The following DCUN1D5 variants were observed in gnomAD, a reference collection of about 807,000 sequenced individuals.
The protein encoded by DCUN1D5 is defective in cullin neddylation 1 domain containing 5.
Under a neutral mutation model 38.3 loss-of-function variants are expected in DCUN1D5, and 10 were observed. The observed-to-expected ratio is 0.26, with a 90% CI of 0.16 to 0.44. DCUN1D5 has a LOEUF of 0.44. Ranked by LOEUF, DCUN1D5 falls within the 20% of genes least tolerant of loss-of-function variation. The pLI is 1.00. For synonymous variants in DCUN1D5, 93 were observed against 90.9 expected (o/e 1.02, Z -0.13); for missense variants, 148 against 275.3 (o/e 0.54, Z 3.27).
intron 2 of DCUN1D5, among the ~76,000 whole-genome samples, chr11:103,088,330 AAAAAGG>A (rs1425013043): frequency 2.0e-5 from 3 of 152,354 alleles, no homozygotes; most frequent in Admixed American, 6.5e-5. Context: ...GCAGGTTAAA[AAAAAGG>A]AAAAGGAAAA....
chr11:103,072,355 T>TCTAGAA (rs1164482449), intron 4 of DCUN1D5, among the ~76,000 whole-genome samples: 6 of 151,246 alleles, frequency 4.0e-5, no homozygotes, highest in African/African-American at 9.7e-5. Flanking sequence ...TAGATCTAGA[T>TCTAGAA]CTAGATCTAG....
Position 103,052,919 on chromosome 11 carries a change from A to G in DCUN1D5, c.*9440T>C, listed in dbSNP as rs1861781695. ...GGTTTTTAAAACCTGCTATTCAGAG[A>G]GCAAGGAGTTCCTTTGAGGTTTTTC... On this transcript the variant is annotated 3_prime_UTR_variant, in exon 8 of 8. Transcript: ENST00000260247. The G allele has an allele frequency of 6.6e-6, 1 of 152,174 alleles. No individual in the cohort carries two copies. Among genetic ancestry groups the G allele is most frequent in the African/African-American group, 2.4e-5 (1 of 41,450 alleles). 9.4% of individuals were successfully genotyped at this position (152,174 alleles called of 1,614,324 possible).
chr11:103,079,627 A>C (rs1339708928), intron 4 of DCUN1D5, among the ~76,000 whole-genome samples: 3 of 149,912 alleles, frequency 2.0e-5, no homozygotes, highest in Middle Eastern at 3.4e-3. Flanking sequence ...CTGTCTCTCA[A>C]AAAAAAAATA....
At chr11:103,067,287 AAGGCAG>A (rs1224605757) in intron 4 of DCUN1D5, among the ~76,000 whole-genome samples, 1 of 152,190 alleles carries the variant, frequency 6.6e-6, no homozygotes, top group Non-Finnish European at 1.5e-5. Context: ...AGCAAGAAGC[AAGGCAG>A]TCAAGGCCTT....
At position 103,056,814 on chromosome 11, in the gene DCUN1D5, T is replaced by C. The variant is rs1025752442; in HGVS notation, c.*5545A>G. 6.6e-6 allele frequency among the ~76,000 whole-genome samples: 1 copy of C among 152,132 alleles called. No individual in the cohort carries two copies. The highest frequency in any genetic ancestry group is 2.4e-5 in the African/African-American group (1 of 41,428). ...ATTTCTTTTTATAAAAGACAGTAAA[T>C]TTGTCAGAAAAAAATAAACTATCAT... On this transcript the variant is annotated 3_prime_UTR_variant, in exon 8 of 8. Coordinates refer to ENST00000260247, the MANE Select transcript of DCUN1D5 (RefSeq NM_032299.4). The surrounding 1 kb of genome is among the most constrained non-coding windows in gnomAD (Gnocchi z 4.9).
chr11:103,063,231 A>G lies in DCUN1D5; in HGVS notation c.659-817T>C, dbSNP rs748593677. 6.6e-5 allele frequency among the ~76,000 whole-genome samples: 10 copies of G among 152,120 alleles called. No homozygotes were observed. Among genetic ancestry groups the G allele is most frequent in the Non-Finnish European group, 1.3e-4 (9 of 67,982 alleles). On this transcript the variant is annotated intron_variant, in intron 7 of 7. Coordinates refer to ENST00000260247, the MANE Select transcript of DCUN1D5 (RefSeq NM_032299.4). This position sits in a 1 kb window ranked among gnomAD's most constrained non-coding sequence, Gnocchi z 4.6. ...GCAAGTCCAACACAGTTAACACTTG[A>G]CTCCAGCCTCTGACTCCTATAAAGG...
In DCUN1D5 at chr11:103,064,235, G is replaced by A. The variant is rs772407672; in HGVS notation, c.658+40C>T. On this transcript the variant is annotated intron_variant, in intron 7 of 7. Transcript: ENST00000260247. The surrounding 1 kb of genome is among the most constrained non-coding windows in gnomAD (Gnocchi z 4.5). ...TGCATACTCTCATTTAATATTTTTG[G>A]AAATTTTGTTTTCAAAGGAACATGT... 1.3e-6 allele frequency: 2 copies of A among 1,534,536 alleles called. No homozygotes were observed. Among genetic ancestry groups the A allele is most frequent in the South Asian group, 2.3e-5 (2 of 86,892 alleles).
At position 103,087,270 on chromosome 11, in the gene DCUN1D5, A is replaced by C. The variant is rs1325314830; in HGVS notation, c.178+1957T>G. Among the ~76,000 whole-genome samples the C allele has an allele frequency of 1.3e-5, 2 of 149,718 alleles. No individual in the cohort carries two copies. The highest frequency in any genetic ancestry group is 3.0e-5 in the Non-Finnish European group (2 of 67,736). On this transcript the variant is annotated intron_variant, in intron 2 of 7. Transcript: ENST00000260247. The surrounding 1 kb of genome is among the most constrained non-coding windows in gnomAD (Gnocchi z 4.1). The stretch of plus-strand genomic sequence containing the variant: ...ACTGTGAGCTCCGCCTCCTGGGTTC[A>C]CGCCATTCTCCTGCCCCAGCCTCCC...
At chr11:103,090,527 G>C (rs2134641701) in intron 1 of DCUN1D5, among the ~76,000 whole-genome samples, 1 of 152,228 alleles carries the variant, frequency 6.6e-6, no homozygotes, top group East Asian at 1.9e-4. Context: ...TTATAATCCT[G>C]GCTACAGTCT....
Position 103,054,828 on chromosome 11 carries a change from A to T in DCUN1D5, c.*7531T>A, listed in dbSNP as rs919521605. The T allele has an allele frequency of 2.6e-5, 4 of 152,134 alleles. No individual in the cohort carries two copies. Among genetic ancestry groups the T allele is most frequent in the Admixed American group, 1.3e-4 (2 of 15,256 alleles). The allele number at this position is 152,134 out of a possible 1,614,324, so 9.4% of individuals were successfully genotyped here. ...TATTAGCGTCAACTGCCAGTCCTAG[A>T]TGTACTAAAATCAATTAGCCTTATT... On this transcript the variant is annotated 3_prime_UTR_variant, in exon 8 of 8. Transcript: ENST00000260247.
rs1862724221 is a variant in DCUN1D5, at chr11:103,086,921, G to C, written c.178+2306C>G. 6.6e-6 allele frequency among the ~76,000 whole-genome samples: 1 copy of C among 151,730 alleles called. No individual in the cohort carries two copies. Among genetic ancestry groups the C allele is most frequent in the Non-Finnish European group, 1.5e-5 (1 of 67,936 alleles). On this transcript the variant is annotated intron_variant, in intron 2 of 7. Transcript: ENST00000260247. This position sits in a 1 kb window ranked among gnomAD's most constrained non-coding sequence, Gnocchi z 4.1. ...ATAAAAAATACATAAAAGCATAGTA[G>C]TTAAAAGCATGGACTTTAGAATCAG...
intron 4 of DCUN1D5, among the ~76,000 whole-genome samples, chr11:103,075,475 G>C (rs755483353): frequency 2.6e-5 from 4 of 152,088 alleles, no homozygotes; most frequent in Non-Finnish European, 4.4e-5. Context: ...TACGCCTCCG[G>C]GGTTCAAGTG....
chr11:103,068,361 A>G (rs1862186429), intron 4 of DCUN1D5, among the ~76,000 whole-genome samples: 1 of 152,176 alleles, frequency 6.6e-6, no homozygotes, highest in Admixed American at 6.5e-5. Context: ...TCATCCTACC[A>G]TAAAGATATG....
chr11:103,091,607 C>G lies in DCUN1D5; in HGVS notation c.86+180G>C, dbSNP rs530863501. ...CCATAAACGCCAGCGTGCACACACT[C>G]GAACACGAGGTCGGGTCGGGCGCGG... On this transcript the variant is annotated intron_variant, in intron 1 of 7. Transcript: ENST00000260247. The surrounding 1 kb of genome is among the most constrained non-coding windows in gnomAD (Gnocchi z 4.3). 3.6e-6 allele frequency: 4 copies of G among 1,102,970 alleles called. No individual in the cohort carries two copies. Among genetic ancestry groups the G allele is most frequent in the African/African-American group, 1.6e-5 (1 of 64,338 alleles). 68.3% of individuals were successfully genotyped at this position (1,102,970 alleles called of 1,614,324 possible).
At chr11:103,076,991 G>T (rs2134622041) in intron 4 of DCUN1D5, among the ~76,000 whole-genome samples, 1 of 152,282 alleles carries the variant, frequency 6.6e-6, no homozygotes, top group East Asian at 1.9e-4. Flanking sequence ...GAGGTCAGGA[G>T]ATCAAGACCA....
chr11:103,081,179 T>C (rs563520035), intron 4 of DCUN1D5, among the ~76,000 whole-genome samples: 2 of 152,334 alleles, frequency 1.3e-5, no homozygotes, highest in South Asian at 4.1e-4. Flanking sequence ...TAAGAAACTT[T>C]TAGATTTAAA....
rs1862432733 is a variant in DCUN1D5, at chr11:103,077,219, A to T, written c.341+5529T>A. 6.6e-6 allele frequency among the ~76,000 whole-genome samples: 1 copy of T among 152,128 alleles called. No homozygotes were observed. The highest frequency in any genetic ancestry group is 2.4e-5 in the African/African-American group (1 of 41,438). On this transcript the variant is annotated intron_variant, in intron 4 of 7. Coordinates refer to ENST00000260247, the MANE Select transcript of DCUN1D5 (RefSeq NM_032299.4). This position sits in a 1 kb window ranked among gnomAD's most constrained non-coding sequence, Gnocchi z 4.3. The stretch of plus-strand genomic sequence containing the variant: ...CGTCTCAAATAAAAAAAAAAGAATA[A>T]GAGCACAAACCTCCATATTTATTAA...
Position 103,091,735 on chromosome 11 carries a change from T to C in DCUN1D5, c.86+52A>G, listed in dbSNP as rs780039138. 65 of 1,612,518 alleles carry C rather than the reference T, an allele frequency of 4.0e-5. 1 individual carries two copies. Among genetic ancestry groups the C allele is most frequent in the Non-Finnish European group, 5.4e-5 (64 of 1,179,248 alleles). ...CGGGCCCGACTCCTTTTCCTCCAGT[T>C]GTCCAGCAAAGGAGGGAGGAGGGAA... On this transcript the variant is annotated intron_variant, in intron 1 of 7. Transcript: ENST00000260247. The surrounding 1 kb of genome is among the most constrained non-coding windows in gnomAD (Gnocchi z 4.3).
chr11:103,082,662 C>T, intron 4 of DCUN1D5, 86 bp downstream of exon 4: 2 of 883,114 alleles, frequency 2.3e-6, no homozygotes, highest in South Asian at 1.6e-5. Context: ...AAGGTGAAAC[C>T]TTACTCCTGA....
Sources: allele counts gnomAD v4.1 joint callset (sites outside exome capture counted in the v4.1 genomes callset), GRCh38; gene constraint gnomAD v4.1.1; non-coding constraint Gnocchi (gnomAD v3.1); transcripts MANE v1.5; gene names NCBI Gene and HGNC (gene_info 2026-07-23, HGNC 2026-07-21).